The following RBFOX3 variants were observed in gnomAD, a reference collection of about 807,000 sequenced individuals.
RBFOX3 encodes the protein RNA binding fox-1 homolog 3, also known as RNA binding protein fox-1 homolog 3.
A neutral mutation model predicts 48.7 loss-of-function variants in RBFOX3; 17 were observed. The observed-to-expected ratio is 0.35, with a 90% confidence interval of 0.24 to 0.52. The LOEUF is 0.52. Among genes scored for constraint, RBFOX3 ranks in the 20% least tolerant of loss-of-function variants. The probability of loss-of-function intolerance (pLI) is 0.94; values close to 1 mark genes in which losing one functional copy is unlikely to be tolerated. For missense variants in RBFOX3, 382 were observed against 497.5 expected (o/e 0.77, Z 2.21); for synonymous variants, 212 against 209.5 (o/e 1.01, Z -0.10).
rs780036724 is a variant in RBFOX3, at chr17:79,104,060, G to A, written c.414+13C>T. On this transcript the variant is annotated intron_variant, in intron 7 of 14. Coordinates refer to ENST00000693108, the MANE Select transcript of RBFOX3 (RefSeq NM_001350451.2). ...GCCGGCGCTGTAAGGCGGCAGCTCC[G>A]TGCGGCACCCACCTTGGAGCCCCGC... 11 of 1,549,902 alleles carry A rather than the reference G, an allele frequency of 7.1e-6. No individual in the cohort carries two copies. Among genetic ancestry groups the A allele is most frequent in the Non-Finnish European group, 8.7e-6 (10 of 1,146,006 alleles).
Position 79,243,034 on chromosome 17 carries a change from G to A in RBFOX3, c.-73-7229C>T, listed in dbSNP as rs2062618535. Among the ~76,000 whole-genome samples, 1 of 145,466 alleles carries A rather than the reference G, an allele frequency of 6.9e-6. No homozygotes were observed. Among genetic ancestry groups the A allele is most frequent in the Non-Finnish European group, 1.5e-5 (1 of 64,852 alleles). On this transcript the variant is annotated intron_variant, in intron 3 of 14. Transcript: ENST00000693108. This position sits in a 1 kb window ranked among gnomAD's most constrained non-coding sequence, Gnocchi z 7.9. ...TATGCCAGGCTACCTGCTGGGGACT[G>A]TGTTTTTCTGGGGTTATGCCATTGA...
chr17:79,356,382 T>TTTA, intron 2 of RBFOX3, among the ~76,000 whole-genome samples: 1 of 111,410 alleles, frequency 9.0e-6, no homozygotes, highest in Non-Finnish European at 1.7e-5. Flanking sequence ...TTTTTTTTTT[T>TTTA]TTTTGAGGAG....
chr17:79,609,650 A>G lies in RBFOX3; in HGVS notation c.-320+1176T>C, dbSNP rs1427028820. Among the ~76,000 whole-genome samples, 832 of 149,372 alleles carry G rather than the reference A, an allele frequency of 5.6e-3. 17 individuals are homozygous for G. The highest frequency in any genetic ancestry group is 0.024 in the East Asian group (118 of 4,860). On this transcript the variant is annotated intron_variant, in intron 1 of 14. Transcript: ENST00000693108. ...CCGCCCCCACCAGTGGACTCCGGGA[A>G]CATCCCACCCCCACCCTACGTGATA...
intron 1 of RBFOX3, among the ~76,000 whole-genome samples, chr17:79,508,244 G>A (rs1415482747): frequency 5.9e-5 from 9 of 152,100 alleles, no homozygotes; most frequent in Non-Finnish European, 8.8e-5. Context: ...GGAGGCCAGC[G>A]TCAGCTCCCC....
intron 3 of RBFOX3, among the ~76,000 whole-genome samples, chr17:79,261,523 C>T (rs2065772543): frequency 6.6e-6 from 1 of 152,232 alleles, no homozygotes; most frequent in Admixed American, 6.5e-5. Flanking sequence ...GCCTCCCAGG[C>T]CTGTGCGGCT....
intron 5 of RBFOX3, among the ~76,000 whole-genome samples, chr17:79,108,920 C>A (rs977886579): frequency 6.6e-6 from 1 of 152,238 alleles, no homozygotes; most frequent in Non-Finnish European, 1.5e-5. Flanking sequence ...GTGGAGCACA[C>A]GTGTCCACGT....
rs530852458 is a variant in RBFOX3 at position 79,171,930 on chromosome 17, A to G, written c.-33-56182T>C. On this transcript the variant is annotated intron_variant, in intron 4 of 14. Coordinates refer to ENST00000693108, the MANE Select transcript of RBFOX3 (RefSeq NM_001350451.2). ...CTCACGCCTGTGATCCCAGCACTTC[A>G]GGTGGCCAAGGCAGGTGGATCACCT... 1.0e-3 allele frequency among the ~76,000 whole-genome samples: 159 copies of G among 152,232 alleles called. 1 individual carries two copies. The highest frequency in any genetic ancestry group is 3.7e-3 in the African/African-American group (155 of 41,556).
chr17:79,574,068 G>A (rs2092776463), intron 1 of RBFOX3, among the ~76,000 whole-genome samples: 1 of 152,228 alleles, frequency 6.6e-6, no homozygotes, highest in African/African-American at 2.4e-5. Context: ...CAGCAAGGAA[G>A]GGATCCAAAA....
intron 1 of RBFOX3, among the ~76,000 whole-genome samples, chr17:79,593,873 G>C (rs991006545): frequency 6.6e-6 from 1 of 152,156 alleles, no homozygotes; most frequent in Non-Finnish European, 1.5e-5. Context: ...GGCACCAGCA[G>C]GCTCCAGGAC....
chr17:79,464,017 T>G (rs1305619606), intron 2 of RBFOX3, among the ~76,000 whole-genome samples: 1 of 152,102 alleles, frequency 6.6e-6, no homozygotes, highest in Non-Finnish European at 1.5e-5. Context: ...CGTGACAGCT[T>G]TCCTAGGGCT....
intron 1 of RBFOX3, among the ~76,000 whole-genome samples, chr17:79,604,426 C>T (rs1378310192): frequency 2.0e-5 from 3 of 148,772 alleles, no homozygotes; most frequent in Admixed American, 6.7e-5. Context: ...CCTCACACCT[C>T]GCTGCTGAAA....
At chr17:79,245,629 A>AT (rs10577875) in intron 3 of RBFOX3, among the ~76,000 whole-genome samples, 7,389 of 130,254 alleles carry the variant, frequency 0.057, 301 homozygotes, top group Admixed American at 0.075. Flanking sequence ...GAACATTTGG[A>AT]TTTTTTTTTT....
the RBFOX3 span, among the ~76,000 whole-genome samples, chr17:79,621,306 C>T: frequency 1.3e-5 from 2 of 152,180 alleles, no homozygotes; most frequent in East Asian, 3.9e-4. Flanking sequence ...GCCTGTCCTT[C>T]ACTTTGTATT....
intron 3 of RBFOX3, among the ~76,000 whole-genome samples, chr17:79,240,003 T>A (rs1243822469): frequency 1.3e-5 from 2 of 152,204 alleles, no homozygotes; most frequent in African/African-American, 4.8e-5. Flanking sequence ...TCCACCTGGC[T>A]CACAGTTCAA....
rs1473004449 is a variant in RBFOX3 at position 79,349,410 on chromosome 17, TTCTG to T, written c.-174-41590_-174-41587del. On this transcript the variant is annotated intron_variant, in intron 2 of 14. Coordinates refer to ENST00000693108, the MANE Select transcript of RBFOX3 (RefSeq NM_001350451.2). ...CGGGGGCCACTGCTATTGCTCCTGC[TTCTG>T]TCTGTCACCTCTCACTCTCCTCCTC... 2.0e-5 allele frequency among the ~76,000 whole-genome samples: 3 copies of T among 152,064 alleles called. No homozygotes were observed. In the East Asian group the frequency reaches 5.8e-4, roughly 30 times the overall value.
chr17:79,315,571 C>T (rs2077426662), intron 2 of RBFOX3, among the ~76,000 whole-genome samples: 3 of 152,258 alleles, frequency 2.0e-5, no homozygotes, highest in South Asian at 4.1e-4. Flanking sequence ...GACAGATGTG[C>T]ACCCTGGTCC....
intron 4 of RBFOX3, among the ~76,000 whole-genome samples, chr17:79,188,476 C>T (rs2053858009): frequency 6.6e-6 from 1 of 152,220 alleles, no homozygotes; most frequent in Admixed American, 6.5e-5. Context: ...AACCATGTCC[C>T]AGCAAAATTA....
At chr17:79,661,860 A>T in the RBFOX3 span, among the ~76,000 whole-genome samples, 1 of 152,178 alleles carries the variant, frequency 6.6e-6, no homozygotes, top group South Asian at 2.1e-4. Flanking sequence ...GTGCTTGTTC[A>T]AGTCTTTTTC....
At chr17:79,515,607 T>G (rs1179921223) in intron 1 of RBFOX3, among the ~76,000 whole-genome samples, 1 of 152,150 alleles carries the variant, frequency 6.6e-6, no homozygotes, top group Non-Finnish European at 1.5e-5. Flanking sequence ...TGTTTTCTCT[T>G]CCCTCCATCA....
Sources: gnomAD v4.1 joint callset for allele counts (sites outside exome capture counted in the v4.1 genomes callset) on GRCh38, gnomAD v4.1.1 for gene constraint, Gnocchi (gnomAD v3.1) non-coding constraint, MANE v1.5 for transcripts, NCBI Gene and HGNC (gene_info 2026-07-23, HGNC 2026-07-21) for gene names.